The following UMAD1 variants were observed in gnomAD, a reference collection of about 807,000 sequenced individuals.
UMAD1 encodes UBAP1-MVB12-associated (UMA) domain containing 1.
Under a neutral mutation model 6.1 loss-of-function variants are expected in UMAD1, and 8 were observed. The observed-to-expected ratio is 1.30, with a 90% CI of 0.76 to 2.35. UMAD1 has a LOEUF of 2.35. UMAD1 is among the 30% of genes most tolerant of loss of function. The probability of loss-of-function intolerance (pLI) is 0.00; values close to 1 mark genes in which losing one functional copy is unlikely to be tolerated. For synonymous variants in UMAD1, 56 were observed against 31.4 expected (o/e 1.78, Z -2.61); for missense variants, 130 against 78.4 (o/e 1.66, Z -2.49).
rs1783438624 is a variant in UMAD1, at chr7:7,830,358, T to C, written c.156+28615T>C. ...TCATTTCCAGCCTAGAATGTGACTGTTTGCCCTGGAGCCTTTCCAGGTTCT... is the reference window on the plus strand; with the variant it reads ...TCATTTCCAGCCTAGAATGTGACTGCTTGCCCTGGAGCCTTTCCAGGTTCT... On this transcript the variant is annotated intron_variant, in intron 3 of 3. Transcript: ENST00000682710. The surrounding 1 kb of genome is among the most constrained non-coding windows in gnomAD (Gnocchi z 5.3). Among the ~76,000 whole-genome samples, 1 of 152,132 alleles carries C rather than the reference T, an allele frequency of 6.6e-6. No homozygotes were observed. The highest frequency in any genetic ancestry group is 2.4e-5 in the African/African-American group (1 of 41,440).
chr7:7,800,495 G>A (rs10254343), intron 2 of UMAD1, among the ~76,000 whole-genome samples: 51,025 of 151,336 alleles, frequency 0.34, 8,671 homozygotes, highest in East Asian at 0.37. Flanking sequence ...TGGTACATGA[G>A]TAAGTTCTTT....
chr7:7,795,679 C>T (rs1419001879), intron 2 of UMAD1, among the ~76,000 whole-genome samples: 1 of 152,150 alleles, frequency 6.6e-6, no homozygotes, highest in Non-Finnish European at 1.5e-5. Context: ...TTTCCCAGAG[C>T]TGAGGGTTTC....
chr7:7,732,282 C>T (rs1351677194), intron 2 of UMAD1, among the ~76,000 whole-genome samples: 1 of 151,886 alleles, frequency 6.6e-6, no homozygotes, highest in East Asian at 1.9e-4. Context: ...ACTAATTGTC[C>T]TTAACTTCTA....
intron 2 of UMAD1, among the ~76,000 whole-genome samples, chr7:7,762,658 G>A (rs1358764961): frequency 2.0e-5 from 3 of 152,212 alleles, no homozygotes; most frequent in Admixed American, 1.3e-4. Flanking sequence ...CAGGGCAGGC[G>A]ATGACAAGGA....
chr7:7,708,507 T>C (rs1780665000), intron 2 of UMAD1, among the ~76,000 whole-genome samples: 1 of 152,210 alleles, frequency 6.6e-6, no homozygotes, highest in African/African-American at 2.4e-5. Context: ...TCTAACACTC[T>C]GTTAAGAAAT....
rs1783660413 is a variant in UMAD1 at position 7,840,556 on chromosome 7, C to T, written c.157-36725C>T. 1.5e-5 allele frequency among the ~76,000 whole-genome samples: 2 copies of T among 137,398 alleles called. 1 individual carries two copies. The highest frequency in any genetic ancestry group is 4.7e-4 in the South Asian group (2 of 4,258). 90.1% of individuals were successfully genotyped at this position (137,398 alleles called of 152,430 possible). ...GAGAGAACTGTTGTAGACTGGGGGA[C>T]TATGGGAGGAAGGAGGATTGATTCA... On this transcript the variant is annotated intron_variant, in intron 3 of 3. Coordinates refer to ENST00000682710, the MANE Select transcript of UMAD1 (RefSeq NM_001302348.2).
In UMAD1 at chr7:7,760,421, TAATA is replaced by T. The variant is rs1445358809; in HGVS notation, c.83-41247_83-41244del. 2.2e-5 allele frequency among the ~76,000 whole-genome samples: 3 copies of T among 138,798 alleles called. 1 individual carries two copies. Among genetic ancestry groups the T allele is most frequent in the Non-Finnish European group, 4.7e-5 (3 of 64,086 alleles). The allele number at this position is 138,798 out of a possible 152,430, so 91.1% of individuals were successfully genotyped here. The stretch of plus-strand genomic sequence containing the variant: ...AATACAAAAAAATACAAAATAATAA[TAATA>T]ATAATAATAATAATAATAATAATAA... On this transcript the variant is annotated intron_variant, in intron 2 of 3. Transcript: ENST00000682710.
At chr7:7,835,803 A>T (rs981694407) in intron 3 of UMAD1, among the ~76,000 whole-genome samples, 8 of 151,920 alleles carry the variant, frequency 5.3e-5, no homozygotes. Context: ...GTTTCCATTT[A>T]GTTTGTAGTC....
At chr7:7,873,511 A>G (rs965339403) in intron 3 of UMAD1, among the ~76,000 whole-genome samples, 2 of 152,256 alleles carry the variant, frequency 1.3e-5, no homozygotes, top group African/African-American at 4.8e-5. Context: ...CTGCAGATGT[A>G]CATCTTTATA....
chr7:7,874,265 G>A (rs1041560514), intron 3 of UMAD1, among the ~76,000 whole-genome samples: 2 of 151,908 alleles, frequency 1.3e-5, no homozygotes, highest in Non-Finnish European at 2.9e-5. Context: ...TGCTCTAATC[G>A]ACTTCATAAG....
intron 2 of UMAD1, among the ~76,000 whole-genome samples, chr7:7,684,321 A>G (rs1045966208): frequency 6.6e-6 from 1 of 151,812 alleles, no homozygotes; most frequent in East Asian, 1.9e-4. Context: ...CATGCCTCAG[A>G]GTCCCAAGTA....
At chr7:7,847,096 AAAAAAAAAAT>A (rs1462488352) in intron 3 of UMAD1, among the ~76,000 whole-genome samples, 6 of 50,036 alleles carry the variant, frequency 1.2e-4, no homozygotes, top group East Asian at 6.0e-4. Flanking sequence ...GCAAAAAAAA[AAAAAAAAAAT>A]ATATATATAT....
chr7:7,773,503 G>A (rs929877905), intron 2 of UMAD1, among the ~76,000 whole-genome samples: 1 of 152,024 alleles, frequency 6.6e-6, no homozygotes, highest in African/African-American at 2.4e-5. Context: ...GCCTTAATTT[G>A]CATCACAGTC....
chr7:7,764,381 T>C (rs1241692144), intron 2 of UMAD1, among the ~76,000 whole-genome samples: 1 of 152,172 alleles, frequency 6.6e-6, no homozygotes, highest in Non-Finnish European at 1.5e-5. Context: ...AAAAATAATT[T>C]TAAAAAATAA....
chr7:7,779,941 G>C (rs1331183168), intron 2 of UMAD1, among the ~76,000 whole-genome samples: 3 of 152,176 alleles, frequency 2.0e-5, no homozygotes, highest in Non-Finnish European at 1.5e-5. Flanking sequence ...ACTGTGCCCG[G>C]CCCAAGTTTC....
intron 2 of UMAD1, among the ~76,000 whole-genome samples, chr7:7,679,654 A>G (rs1243067365): frequency 1.4e-4 from 15 of 109,216 alleles, no homozygotes; most frequent in African/African-American, 5.6e-4. Context: ...AGATAAATAT[A>G]TATTTATATA....
chr7:7,810,463 TGAG>T (rs1257090285), intron 3 of UMAD1, among the ~76,000 whole-genome samples: 1 of 152,178 alleles, frequency 6.6e-6, no homozygotes, highest in African/African-American at 2.4e-5. Context: ...ACACTGATGA[TGAG>T]TTTTCAATAA....
At chr7:7,876,438 C>G (rs1175554569) in intron 3 of UMAD1, among the ~76,000 whole-genome samples, 1 of 152,024 alleles carries the variant, frequency 6.6e-6, no homozygotes, top group African/African-American at 2.4e-5. Context: ...CATTTTTTTG[C>G]CCAGGCTGGT....
At chr7:7,827,924 TCA>T (rs1488038702) in intron 3 of UMAD1, among the ~76,000 whole-genome samples, 1 of 152,202 alleles carries the variant, frequency 6.6e-6, no homozygotes, top group Non-Finnish European at 1.5e-5. Context: ...GTTCATAGAA[TCA>T]GTTTTTAACC....
Sources: allele counts gnomAD v4.1 joint callset (sites outside exome capture counted in the v4.1 genomes callset), GRCh38; gene constraint gnomAD v4.1.1; non-coding constraint Gnocchi (gnomAD v3.1); transcripts MANE v1.5; gene names NCBI Gene and HGNC (gene_info 2026-07-23, HGNC 2026-07-21).